GPC5: variants seen among roughly 807,000 people sequenced by gnomAD.
GPC5 encodes the protein glypican-5.
A neutral mutation model predicts 53.9 loss-of-function variants in GPC5; 47 were observed. That is an observed-to-expected ratio of 0.87 (90% CI 0.69 to 1.11). The LOEUF (loss-of-function observed/expected upper bound fraction) is 1.11, where lower values mean the gene tolerates loss of function less well. Among genes scored for constraint, GPC5 ranks in the 50% most tolerant of loss-of-function variants. The probability of loss-of-function intolerance (pLI) is 0.00; values close to 1 mark genes in which losing one functional copy is unlikely to be tolerated. For synonymous variants in GPC5, 286 were observed against 263.3 expected (o/e 1.09, Z -0.84); for missense variants, 748 against 713.1 (o/e 1.05, Z -0.56).
intron 6 of GPC5, among the ~76,000 whole-genome samples, chr13:91,978,397 T>C (rs1451971801): frequency 6.6e-6 from 1 of 152,232 alleles, no homozygotes; most frequent in Non-Finnish European, 1.5e-5. Flanking sequence ...TGCACAGTAT[T>C]TGATGGCAGA....
chr13:91,662,283 G>A (rs2035005476), intron 2 of GPC5, among the ~76,000 whole-genome samples: 2 of 152,174 alleles, frequency 1.3e-5, no homozygotes, highest in Non-Finnish European at 2.9e-5. Context: ...TATTAAGGAG[G>A]AGGGAATGAG....
intron 7 of GPC5, among the ~76,000 whole-genome samples, chr13:92,770,674 G>A (rs1217635212): frequency 6.6e-6 from 1 of 152,036 alleles, no homozygotes; most frequent in Non-Finnish European, 1.5e-5. Flanking sequence ...TCTTGTTGTT[G>A]GCATCTATTT....
intron 5 of GPC5, among the ~76,000 whole-genome samples, chr13:91,862,089 ATT>A (rs1351550489): frequency 6.6e-6 from 1 of 152,046 alleles, no homozygotes; most frequent in Non-Finnish European, 1.5e-5. Context: ...TAAAAAAAGT[ATT>A]TTCTGTTACT....
At chr13:92,252,673 A>T (rs1201265119) in intron 7 of GPC5, among the ~76,000 whole-genome samples, 3 of 152,138 alleles carry the variant, frequency 2.0e-5, no homozygotes, top group Non-Finnish European at 2.9e-5. Flanking sequence ...AACTGCTGAA[A>T]GTTACCAGAA....
chr13:92,408,629 G>GACACAC (rs35366487), intron 7 of GPC5, among the ~76,000 whole-genome samples: 1 of 148,006 alleles, frequency 6.8e-6, no homozygotes, highest in Admixed American at 6.8e-5. Flanking sequence ...TATATATATA[G>GACACAC]ACACACACAC....
intron 7 of GPC5, among the ~76,000 whole-genome samples, chr13:92,211,663 G>C (rs1027705981): frequency 6.6e-6 from 1 of 152,182 alleles, no homozygotes; most frequent in African/African-American, 2.4e-5. Flanking sequence ...CTTCAGGAGA[G>C]AGCCCCAGCA....
At chr13:92,566,613 T>G (rs1255253211) in intron 7 of GPC5, among the ~76,000 whole-genome samples, 1 of 152,076 alleles carries the variant, frequency 6.6e-6, no homozygotes, top group South Asian at 2.1e-4. Context: ...TTTTAGCTTT[T>G]TCTTGATTTT....
intron 7 of GPC5, among the ~76,000 whole-genome samples, chr13:92,274,699 G>C (rs1016421147): frequency 9.2e-5 from 14 of 152,144 alleles, no homozygotes; most frequent in African/African-American, 3.1e-4. Context: ...ATTGTCAATA[G>C]CACGTGACCC....
intron 7 of GPC5, among the ~76,000 whole-genome samples, chr13:92,773,020 C>A (rs2138751514): frequency 6.6e-6 from 1 of 152,088 alleles, no homozygotes; most frequent in African/African-American, 2.4e-5. Flanking sequence ...CTTGGTATAG[C>A]CATATTCCTT....
At chr13:91,834,429 C>T (rs1312279855) in intron 5 of GPC5, among the ~76,000 whole-genome samples, 1 of 152,074 alleles carries the variant, frequency 6.6e-6, no homozygotes, top group Non-Finnish European at 1.5e-5. Flanking sequence ...AAAGAGCCCA[C>T]ACAGCCAAGG....
intron 6 of GPC5, among the ~76,000 whole-genome samples, chr13:92,030,877 GT>G (rs775457505): frequency 6.6e-5 from 10 of 152,252 alleles, no homozygotes; most frequent in Non-Finnish European, 1.5e-5. Flanking sequence ...GCTCTGCTGA[GT>G]TTTTTTCTTT....
chr13:91,432,963 G>A (rs1214055963), intron 1 of GPC5, among the ~76,000 whole-genome samples: 1 of 152,096 alleles, frequency 6.6e-6, no homozygotes, highest in East Asian at 1.9e-4. Context: ...TAGGGAGAAA[G>A]GAAAGGAGGC....
chr13:92,257,968 G>A (rs2042739527), intron 7 of GPC5, among the ~76,000 whole-genome samples: 1 of 151,912 alleles, frequency 6.6e-6, no homozygotes, highest in African/African-American at 2.4e-5. Flanking sequence ...TATTTAAAAG[G>A]TATAATTTTT....
chr13:92,678,229 G>A (rs1275275937), intron 7 of GPC5, among the ~76,000 whole-genome samples: 2 of 152,076 alleles, frequency 1.3e-5, no homozygotes, highest in Admixed American at 6.6e-5. Context: ...GATGATGAAA[G>A]GCAAACAAAT....
intron 7 of GPC5, among the ~76,000 whole-genome samples, chr13:92,666,545 C>A (rs1886572046): frequency 6.6e-6 from 1 of 152,082 alleles, no homozygotes; most frequent in Non-Finnish European, 1.5e-5. Flanking sequence ...TAGATCAATT[C>A]TGACAAATGT....
At chr13:91,831,337 A>G (rs1301381151) in intron 5 of GPC5, among the ~76,000 whole-genome samples, 1 of 151,694 alleles carries the variant, frequency 6.6e-6, no homozygotes, top group East Asian at 1.9e-4. Flanking sequence ...TATTCCCTTG[A>G]AGCTGATTAG....
At chr13:92,041,329 G>A (rs1391893272) in intron 6 of GPC5, among the ~76,000 whole-genome samples, 2 of 152,142 alleles carry the variant, frequency 1.3e-5, no homozygotes, top group Non-Finnish European at 2.9e-5. Flanking sequence ...TAACCCTGAA[G>A]GTTGGGAAGG....
intron 2 of GPC5, among the ~76,000 whole-genome samples, chr13:91,531,051 A>T (rs1164690777): frequency 6.6e-6 from 1 of 152,136 alleles, no homozygotes; most frequent in Non-Finnish European, 1.5e-5. Context: ...ACTTAGGGAG[A>T]TATTTTAAAA....
chr13:92,404,716 T>A (rs1875718390), intron 7 of GPC5, among the ~76,000 whole-genome samples: 1 of 149,840 alleles, frequency 6.7e-6, no homozygotes, highest in Non-Finnish European at 1.5e-5. Flanking sequence ...ATTCCAAAAC[T>A]GGGAATTGAA....
Sources: gnomAD v4.1 joint callset for allele counts (sites outside exome capture counted in the v4.1 genomes callset) on GRCh38, gnomAD v4.1.1 for gene constraint, MANE v1.5 for transcripts, NCBI Gene and HGNC (gene_info 2026-07-23, HGNC 2026-07-21) for gene names.